LRRTM4: variants seen among roughly 807,000 people sequenced by gnomAD.
LRRTM4 encodes leucine rich repeat transmembrane neuronal 4.
Under a neutral mutation model 47.6 loss-of-function variants are expected in LRRTM4, and 25 were observed. That is an observed-to-expected ratio of 0.53 (90% CI 0.38 to 0.73). The LOEUF is 0.73. Ranked by LOEUF, LRRTM4 falls within the 30% of genes least tolerant of loss-of-function variation. The pLI is 0.00. For synonymous variants in LRRTM4, 311 were observed against 269.5 expected, an observed-to-expected ratio of 1.15 and a Z score of -1.51; for missense variants, 638 against 713.4, an observed-to-expected ratio of 0.89 and a Z score of 1.20.
chr2:76,761,864 G>C (rs1348382308), intron 3 of LRRTM4, among the ~76,000 whole-genome samples: 1 of 152,202 alleles, frequency 6.6e-6, no homozygotes, highest in Non-Finnish European at 1.5e-5. Flanking sequence ...CTGCTTTAAA[G>C]CAACCTGATG....
intron 3 of LRRTM4, among the ~76,000 whole-genome samples, chr2:77,311,604 T>G (rs1220483047): frequency 4.6e-5 from 7 of 152,188 alleles, no homozygotes; most frequent in African/African-American, 1.7e-4. Context: ...TTTAGCATAG[T>G]AGGTGGCATA....
At chr2:76,963,560 T>G (rs180744826) in intron 3 of LRRTM4, among the ~76,000 whole-genome samples, 18 of 151,108 alleles carry the variant, frequency 1.2e-4, no homozygotes, top group Non-Finnish European at 1.8e-4. Flanking sequence ...AATTTATTTC[T>G]TCCTTGAGAA....
intron 3 of LRRTM4, among the ~76,000 whole-genome samples, chr2:76,762,165 C>T (rs1243245419): frequency 6.6e-6 from 1 of 152,194 alleles, no homozygotes; most frequent in Non-Finnish European, 1.5e-5. Flanking sequence ...CATGCTTGCA[C>T]TTCTCCATCA....
chr2:76,923,860 A>G (rs1674507717), intron 3 of LRRTM4, among the ~76,000 whole-genome samples: 1 of 152,078 alleles, frequency 6.6e-6, no homozygotes, highest in South Asian at 2.1e-4. Flanking sequence ...AGGGTCACAA[A>G]TCATTATCTT....
At chr2:77,240,731 A>G (rs1239690308) in intron 3 of LRRTM4, among the ~76,000 whole-genome samples, 1 of 152,054 alleles carries the variant, frequency 6.6e-6, no homozygotes, top group Non-Finnish European at 1.5e-5. Context: ...TAAAAGGTCA[A>G]TGTATCAAAT....
chr2:77,407,888 G>A (rs1674276173), intron 3 of LRRTM4, among the ~76,000 whole-genome samples: 1 of 151,066 alleles, frequency 6.6e-6, no homozygotes, highest in Non-Finnish European at 1.5e-5. Flanking sequence ...TGATCTGAGT[G>A]TAGCTTTTGA....
At chr2:77,083,783 C>CATTTTTTT in intron 3 of LRRTM4, among the ~76,000 whole-genome samples, 1 of 52,346 alleles carries the variant, frequency 1.9e-5, no homozygotes, top group Non-Finnish European at 4.2e-5. Context: ...ACTGGACACA[C>CATTTTTTT]TTTTTTTTTT....
At chr2:76,867,233 A>G (rs1672493965) in intron 3 of LRRTM4, among the ~76,000 whole-genome samples, 1 of 152,198 alleles carries the variant, frequency 6.6e-6, no homozygotes, top group African/African-American at 2.4e-5. Flanking sequence ...TTAAAGTAAA[A>G]TAAAATAAGA....
intron 3 of LRRTM4, among the ~76,000 whole-genome samples, chr2:76,862,121 TA>T (rs1672329877): frequency 6.6e-6 from 1 of 151,966 alleles, no homozygotes; most frequent in African/African-American, 2.4e-5. Context: ...TTGCAATAAA[TA>T]ACAACACTTG....
At chr2:77,007,869 G>A (rs1424001319) in intron 3 of LRRTM4, among the ~76,000 whole-genome samples, 3 of 152,118 alleles carry the variant, frequency 2.0e-5, no homozygotes, top group Non-Finnish European at 4.4e-5. Flanking sequence ...TCCAACAAAA[G>A]ACATGGCAAA....
intron 3 of LRRTM4, among the ~76,000 whole-genome samples, chr2:77,244,917 C>T (rs1166981890): frequency 1.3e-5 from 2 of 152,104 alleles, no homozygotes; most frequent in Admixed American, 1.3e-4. Context: ...AAAGCAGATA[C>T]TTTCCTGGTA....
intron 3 of LRRTM4, among the ~76,000 whole-genome samples, chr2:77,408,184 C>A (rs545011123): frequency 1.8e-4 from 27 of 152,240 alleles, no homozygotes; most frequent in African/African-American, 6.0e-4. Flanking sequence ...AATCCTGCCC[C>A]CCAGGGGGAG....
At chr2:77,003,840 T>G (rs1341090410) in intron 3 of LRRTM4, among the ~76,000 whole-genome samples, 1 of 152,174 alleles carries the variant, frequency 6.6e-6, no homozygotes, top group African/African-American at 2.4e-5. Flanking sequence ...GTTTGGAACT[T>G]CTTAGAGACT....
intron 3 of LRRTM4, among the ~76,000 whole-genome samples, chr2:77,232,795 CCTT>C (rs1675003423): frequency 6.6e-6 from 1 of 152,048 alleles, no homozygotes; most frequent in East Asian, 1.9e-4. Flanking sequence ...ATTAAAATGT[CCTT>C]GATATAAATG....
At position 77,515,912 on chromosome 2, in the gene LRRTM4, A is replaced by T. The variant is rs117564744; in HGVS notation, c.1551+2406T>A. Among the ~76,000 whole-genome samples the T allele has an allele frequency of 2.0e-4, 31 of 151,938 alleles. No individual in the cohort carries two copies. In the East Asian group the frequency reaches 6.0e-3, roughly 29 times the overall value. ...TTGCTTTTCCTCACCATTTATATCT[A>T]CCTATAACTGTAATACAGCAAACAT... On this transcript the variant is annotated intron_variant, in intron 3 of 3. Transcript: ENST00000409884.
At chr2:76,810,583 CA>C (rs199620978) in intron 3 of LRRTM4, among the ~76,000 whole-genome samples, 2 of 152,014 alleles carry the variant, frequency 1.3e-5, no homozygotes, top group African/African-American at 4.8e-5. Flanking sequence ...AATGAATAAA[CA>C]AAAAATGTCT....
At chr2:76,806,441 C>T (rs189739090) in intron 3 of LRRTM4, among the ~76,000 whole-genome samples, 92 of 152,038 alleles carry the variant, frequency 6.1e-4, no homozygotes, top group African/African-American at 2.0e-3. Flanking sequence ...ATTAGCAGGG[C>T]GTGGTAGCGC....
In LRRTM4 at chr2:76,905,596, T is replaced by G. The variant is rs1673802365; in HGVS notation, c.1552-156680A>C. Reference sequence around the variant, plus strand: ...CCAAAGGCAAAGAAGTTAAAAACTTTGAAAAAAATTTAGACGAATGTATAA... The same window carrying G: ...CCAAAGGCAAAGAAGTTAAAAACTTGGAAAAAAATTTAGACGAATGTATAA... On this transcript the variant is annotated intron_variant, in intron 3 of 3. Transcript: ENST00000409884. 2.7e-5 allele frequency among the ~76,000 whole-genome samples: 4 copies of G among 150,610 alleles called. No homozygotes were observed. In the South Asian group the frequency reaches 6.3e-4, roughly 24 times the overall value.
At chr2:76,969,669 A>C (rs1360929070) in intron 3 of LRRTM4, among the ~76,000 whole-genome samples, 2 of 151,976 alleles carry the variant, frequency 1.3e-5, no homozygotes, top group Non-Finnish European at 2.9e-5. Context: ...TTTACCAGTA[A>C]TTACAATGAT....
Sources: gnomAD v4.1 joint callset for allele counts (sites outside exome capture counted in the v4.1 genomes callset) on GRCh38, gnomAD v4.1.1 for gene constraint, MANE v1.5 for transcripts, NCBI Gene and HGNC (gene_info 2026-07-23, HGNC 2026-07-21) for gene names.